The following ZW10 variants were observed in gnomAD, a reference collection of about 807,000 sequenced individuals.
The protein encoded by ZW10 is centromere/kinetochore protein zw10 homolog.
Under a neutral mutation model 87.8 loss-of-function variants are expected in ZW10, and 53 were observed. The observed-to-expected ratio is 0.60, with a 90% CI of 0.48 to 0.76. The LOEUF (loss-of-function observed/expected upper bound fraction) is 0.76, where lower values mean the gene tolerates loss of function less well. Ranked by LOEUF, ZW10 falls within the 30% of genes least tolerant of loss-of-function variation. ZW10 has a pLI of 0.00. For synonymous variants in ZW10, 312 were observed against 329.2 expected, an observed-to-expected ratio of 0.95 and a Z score of 0.57; for missense variants, 837 against 923.0, an observed-to-expected ratio of 0.91 and a Z score of 1.21.
Position 113,733,417 on chromosome 11 carries a change from T to G in ZW10, c.*277A>C, listed in dbSNP as rs549452046. 2.5e-5 allele frequency: 10 copies of G among 392,266 alleles called. No homozygotes were observed. Among genetic ancestry groups the G allele is most frequent in the East Asian group, 5.6e-5 (1 of 17,724 alleles). 24.3% of individuals were successfully genotyped at this position (392,266 alleles called of 1,614,324 possible). On this transcript the variant is annotated 3_prime_UTR_variant, in exon 16 of 16. Coordinates refer to ENST00000200135, the MANE Select transcript of ZW10 (RefSeq NM_004724.4). ...CTCCCAGAGGGCTCTGGAAGCAGCA[T>G]GAAATAATGCTGCCTGACAGTTTGT...
At chr11:113,745,759 AC>A (rs1312115357) in intron 9 of ZW10, among the ~76,000 whole-genome samples, 2 of 152,218 alleles carry the variant, frequency 1.3e-5, no homozygotes, top group Admixed American at 1.3e-4. Context: ...ACAACAAAAA[AC>A]ACAACTATAG....
At chr11:113,766,673 CAAAA>C (rs34081366) in intron 2 of ZW10, among the ~76,000 whole-genome samples, 1 of 27,638 alleles carries the variant, frequency 3.6e-5, no homozygotes, top group Non-Finnish European at 6.6e-5. Flanking sequence ...GACTCCATCT[CAAAA>C]AAAAAAAAAA....
In ZW10 at chr11:113,762,807, T is replaced by C. The variant is rs568163446; in HGVS notation, c.241-1889A>G. On this transcript the variant is annotated intron_variant, in intron 2 of 15. Transcript: ENST00000200135. ...TGCTGGGATTACAGGTGTAAGCCAC[T>C]GCACCCAGCTAAACTTTTTAACTCT... is the stretch of plus-strand genomic sequence containing the variant. Among the ~76,000 whole-genome samples, 5 of 152,320 alleles carry C rather than the reference T, an allele frequency of 3.3e-5. No individual in the cohort carries two copies. The East Asian group carries it at 9.7e-4, about 29-fold the overall frequency.
intron 5 of ZW10, among the ~76,000 whole-genome samples, chr11:113,759,254 C>T (rs1359878045): frequency 1.3e-5 from 2 of 152,264 alleles, no homozygotes; most frequent in East Asian, 1.9e-4. Flanking sequence ...GTTCTTTCTG[C>T]CAAACAAGTT....
chr11:113,743,955 G>A lies in ZW10; in HGVS notation c.1358C>T (p.Thr453Ile). Reference sequence around the variant, plus strand: ...TAAATTCATCACTTCGTGGTACTGAGTATTGGATACTTTCTGTACTTCCAG... The same window carrying A: ...TAAATTCATCACTTCGTGGTACTGAATATTGGATACTTTCTGTACTTCCAG... ...NKLEVQKVSN[T>I]QYHEVMNLEP... Residue 453 changes from threonine (T) to isoleucine (I), a missense_variant, in exon 10 of 16, where the codon ACT (threonine) becomes ATT (isoleucine). Transcript: ENST00000200135. The A allele has an allele frequency of 6.2e-7, 1 of 1,614,224 alleles. No individual in the cohort carries two copies. Among genetic ancestry groups the A allele is most frequent in the Non-Finnish European group, 8.5e-7 (1 of 1,180,024 alleles).
At chr11:113,738,163 T>C in intron 13 of ZW10, 101 bp downstream of exon 13, 7 of 1,335,474 alleles carry the variant, frequency 5.2e-6, no homozygotes, top group East Asian at 2.5e-5. Flanking sequence ...GGGAATCAAC[T>C]GAATACTTGT....
At chr11:113,739,629 T>C (rs1953592859) in intron 11 of ZW10, among the ~76,000 whole-genome samples, 1 of 152,222 alleles carries the variant, frequency 6.6e-6, no homozygotes, top group Non-Finnish European at 1.5e-5. Flanking sequence ...GGAATCAAGA[T>C]GTTTGCCTGA....
In ZW10 at chr11:113,760,849, C is replaced by T; in HGVS notation, c.310G>A (p.Val104Ile). The T allele has an allele frequency of 6.2e-7, 1 of 1,614,104 alleles. No individual in the cohort carries two copies. Among genetic ancestry groups the T allele is most frequent in the Non-Finnish European group, 8.5e-7 (1 of 1,180,002 alleles). ...AACTGTTTAAGCAAACTTAGGACAA[C>T]TGAGTCTCTTTCCAACTGCTGCTTT... ...DLKQQLERDS[V>I]VLSLLKQLQE... Residue 104 changes from valine (V) to isoleucine (I), a missense_variant, in exon 3 of 16, where the codon GTT becomes ATT. Coordinates refer to ENST00000200135, the MANE Select transcript of ZW10 (RefSeq NM_004724.4).
intron 9 of ZW10, 40 bp downstream of exon 9, chr11:113,747,491 T>C: frequency 2.6e-6 from 4 of 1,539,186 alleles, no homozygotes; most frequent in Non-Finnish European, 3.5e-6. Context: ...TGCTTTCTCA[T>C]ATACAATGTT....
chr11:113,756,196 T>A (rs1271695488), intron 7 of ZW10, among the ~76,000 whole-genome samples: 75 of 151,936 alleles, frequency 4.9e-4, no homozygotes. Flanking sequence ...AGGATGCAAA[T>A]GCACAGAGAA....
intron 1 of ZW10, among the ~76,000 whole-genome samples, chr11:113,769,295 A>G (rs1953939909): frequency 6.6e-6 from 1 of 152,076 alleles, no homozygotes; most frequent in African/African-American, 2.4e-5. Flanking sequence ...AACGGCGCCC[A>G]AGACTTGTAC....
rs1953652585 is a variant in ZW10 at position 113,743,997 on chromosome 11, G to C, written c.1316C>G (p.Pro439Arg). The change falls in exon 10 of 16, where the codon CCT becomes CGT. Residue 439 changes from proline to arginine, a missense_variant. Physicochemically the swap from Pro to Arg is moderately radical, Grantham distance 103. Coordinates refer to ENST00000200135, the MANE Select transcript of ZW10 (RefSeq NM_004724.4). The part of the protein sequence containing the change: ...SKINVPELPT[P>R]DEDNKLEVQK... ...TACTTCCAGTTTGTTATCCTCATCAGGAGTGGGTAACTCTGGCACATTTAT... is the reference window on the plus strand; with the variant it reads ...TACTTCCAGTTTGTTATCCTCATCACGAGTGGGTAACTCTGGCACATTTAT... The C allele has an allele frequency of 6.2e-7, 1 of 1,614,016 alleles. No individual in the cohort carries two copies. The highest frequency in any genetic ancestry group is 1.3e-5 in the African/African-American group (1 of 74,932).
chr11:113,759,803 A>G (rs1953837558), intron 5 of ZW10, among the ~76,000 whole-genome samples: 1 of 152,226 alleles, frequency 6.6e-6, no homozygotes, highest in Non-Finnish European at 1.5e-5. Flanking sequence ...AAGAGAGAGA[A>G]TGGCTAGAGA....
At chr11:113,734,000 A>C (rs1358684911) in intron 15 of ZW10, among the ~76,000 whole-genome samples, 186 bp from the exon 16 acceptor site, 1 of 152,210 alleles carries the variant, frequency 6.6e-6, no homozygotes, top group Non-Finnish European at 1.5e-5. Flanking sequence ...CACCCACTAC[A>C]ACTGGTTATC....
rs564542696 is a variant in ZW10 at position 113,733,750 on chromosome 11, G to A, written c.2284C>T (p.Arg762Cys). The A allele has an allele frequency of 2.9e-5, 47 of 1,614,088 alleles. No homozygotes were observed. The highest frequency in any genetic ancestry group is 3.3e-5 in the Admixed American group (2 of 60,006). ...FSSSEVKALI[R>C]ALFQNTERRA... ...CTTTCTGTGTTCTGAAACAAGGCAC[G>A]AATTAAAGCTTTTACTTCACTGGAA... Residue 762 changes from arginine to cysteine, a missense_variant, in exon 16 of 16, where the codon CGT becomes TGT. By Grantham distance (180) the Arg-to-Cys change is radical. Coordinates refer to ENST00000200135, the MANE Select transcript of ZW10 (RefSeq NM_004724.4).
At chr11:113,738,196 A>C (rs1953573628) in intron 13 of ZW10, 68 bp downstream of exon 13, 2 of 1,492,268 alleles carry the variant, frequency 1.3e-6, no homozygotes, top group Admixed American at 4.8e-5. Flanking sequence ...TCTGCTTTAA[A>C]AAAGCAAACA....
intron 11 of ZW10, among the ~76,000 whole-genome samples, chr11:113,741,344 A>G (rs1953616337): frequency 6.6e-6 from 1 of 152,202 alleles, no homozygotes. Flanking sequence ...GTTATCAAAG[A>G]TATTTATGAA....
intron 8 of ZW10, 71 bp from the exon 9 acceptor site, chr11:113,747,784 C>A: frequency 3.1e-6 from 4 of 1,300,740 alleles, no homozygotes; most frequent in Non-Finnish European, 4.1e-6. Flanking sequence ...AATTTCAAAT[C>A]CAATGTATAA....
chr11:113,754,012 AG>A (rs1373162453), intron 7 of ZW10, among the ~76,000 whole-genome samples: 7 of 152,256 alleles, frequency 4.6e-5, no homozygotes, highest in African/African-American at 1.7e-4. Flanking sequence ...ACTAAACAAT[AG>A]ATTTTTAGTG....
Sources: gnomAD v4.1 joint callset for allele counts (sites outside exome capture counted in the v4.1 genomes callset) on GRCh38, gnomAD v4.1.1 for gene constraint, MANE v1.5 for transcripts, NCBI Gene and HGNC (gene_info 2026-07-23, HGNC 2026-07-21) for gene names.